Variants in RFX3 observed in about 807,000 individuals in gnomAD.
RFX3 encodes transcription factor RFX3.
RFX3 carries 14 observed loss-of-function variants against 98.6 expected under a neutral mutation model. The ratio of observed to expected loss-of-function variants is 0.14; its 90% CI spans 0.09 to 0.22. The LOEUF is 0.22. RFX3 is among the 10% of genes least tolerant of loss of function. The probability of loss-of-function intolerance (pLI) is 1.00; values close to 1 mark genes in which losing one functional copy is unlikely to be tolerated. For synonymous variants in RFX3, 383 were observed against 328.4 expected (o/e 1.17, Z -1.80); for missense variants, 639 against 926.9 (o/e 0.69, Z 4.03).
chr9:3,483,473 GA>G (rs1180696038), intron 1 of RFX3, among the ~76,000 whole-genome samples: 2 of 152,164 alleles, frequency 1.3e-5, no homozygotes, highest in Non-Finnish European at 2.9e-5. Flanking sequence ...GGCACTGAAT[GA>G]GACACAGATA....
At chr9:3,273,527 A>G (rs1824784896) in intron 9 of RFX3, among the ~76,000 whole-genome samples, 1 of 152,194 alleles carries the variant, frequency 6.6e-6, no homozygotes, top group Non-Finnish European at 1.5e-5. Flanking sequence ...GTAAATAATT[A>G]TGCTCCAACT....
chr9:3,474,063 T>C (rs867088474), intron 1 of RFX3, among the ~76,000 whole-genome samples: 14 of 152,304 alleles, frequency 9.2e-5, no homozygotes, highest in South Asian at 2.1e-4. Context: ...GAAATTCCCA[T>C]GATGCTGAGG....
chr9:3,290,875 A>T (rs2131611015), intron 6 of RFX3, among the ~76,000 whole-genome samples: 1 of 152,296 alleles, frequency 6.6e-6, no homozygotes, highest in Non-Finnish European at 1.5e-5. Flanking sequence ...GCATTTGAAG[A>T]AACAACAGAA....
At chr9:3,505,236 ATATTTATATATATATG>A (rs1816851060) in intron 1 of RFX3, among the ~76,000 whole-genome samples, 1 of 88,018 alleles carries the variant, frequency 1.1e-5, no homozygotes, top group Non-Finnish European at 1.8e-5. Flanking sequence ...ATATGAATAT[ATATTTATATATATATG>A]AATATATATT....
intron 2 of RFX3, among the ~76,000 whole-genome samples, chr9:3,350,466 AG>A (rs1834974854): frequency 6.6e-6 from 1 of 152,104 alleles, no homozygotes; most frequent in Admixed American, 6.6e-5. Context: ...CATTGTTGGG[AG>A]GGATGGAAAA....
intron 15 of RFX3, among the ~76,000 whole-genome samples, chr9:3,242,272 T>G (rs1820040121): frequency 6.6e-6 from 1 of 152,220 alleles, no homozygotes; most frequent in African/African-American, 2.4e-5. Flanking sequence ...AGAATAGGGA[T>G]TGGCACAAGG....
intron 7 of RFX3, among the ~76,000 whole-genome samples, chr9:3,279,744 G>C (rs1338087157): frequency 1.3e-5 from 2 of 151,844 alleles, no homozygotes; most frequent in Non-Finnish European, 2.9e-5. Context: ...GGAAGATGGA[G>C]ACAGCTGTTA....
chr9:3,365,656 T>C (rs114740062), intron 2 of RFX3, among the ~76,000 whole-genome samples: 8 of 152,162 alleles, frequency 5.3e-5, no homozygotes, highest in Non-Finnish European at 8.8e-5. Context: ...GATCCCAGTA[T>C]TCTGATAACA....
chr9:3,384,248 A>G (rs1012596704), intron 2 of RFX3, among the ~76,000 whole-genome samples: 2 of 152,162 alleles, frequency 1.3e-5, no homozygotes, highest in African/African-American at 4.8e-5. Flanking sequence ...TCCAATACAT[A>G]TTGAGCATTT....
At chr9:3,306,235 C>T (rs1254706482) in intron 4 of RFX3, among the ~76,000 whole-genome samples, 1 of 151,958 alleles carries the variant, frequency 6.6e-6, no homozygotes, top group South Asian at 2.1e-4. Flanking sequence ...CTAACCTCAA[C>T]AAAGATATTA....
rs139711461 is a variant in RFX3, at chr9:3,281,447, C to A, written c.852-3986G>T. Among the ~76,000 whole-genome samples the A allele has an allele frequency of 6.9e-3, 1,046 of 150,890 alleles. 12 individuals are homozygous for A. Among genetic ancestry groups the A allele is most frequent in the African/African-American group, 0.024 (992 of 41,278 alleles). ...ATTTAAGAGTATTTTCCTCCCTTTA[C>A]TTCCATTTACTTTATGAATTAATTA... On this transcript the variant is annotated intron_variant, in intron 7 of 16. Coordinates refer to ENST00000617270, the MANE Select transcript of RFX3 (RefSeq NM_001282116.2).
intron 14 of RFX3, among the ~76,000 whole-genome samples, chr9:3,249,672 T>G (rs577028072): frequency 2.6e-5 from 4 of 152,074 alleles, no homozygotes; most frequent in African/African-American, 7.2e-5. Flanking sequence ...AAAATAATAA[T>G]AATAAGAATA....
chr9:3,251,032 C>T (rs1017973564), intron 14 of RFX3, among the ~76,000 whole-genome samples: 1 of 152,094 alleles, frequency 6.6e-6, no homozygotes, highest in Non-Finnish European at 1.5e-5. Flanking sequence ...ATCATAACAG[C>T]ATTTTTAAAA....
chr9:3,288,182 T>C lies in RFX3; in HGVS notation c.800A>G (p.Glu267Gly), dbSNP rs1486902408. 3 of 1,612,222 alleles carry C rather than the reference T, an allele frequency of 1.9e-6. No individual in the cohort carries two copies. The African/African-American group carries it at 4.0e-5, about 22-fold the overall frequency. ...KPDSPLNRLQ[E>G]DMQYMAMRQQ... is the part of the protein sequence containing the mutation. Reference sequence around the variant, plus strand: ...TCTCATAGCCATATACTGCATGTCTTCTTGCAGACGATTAAGAGGGGAATC... The same window carrying C: ...TCTCATAGCCATATACTGCATGTCTCCTTGCAGACGATTAAGAGGGGAATC... Residue 267 changes from glutamate (E) to glycine (G), a missense_variant, in exon 7 of 17, where the codon GAA becomes GGA. By Grantham distance (98) the Glu-to-Gly change is moderately conservative (BLOSUM62 -2). Coordinates refer to ENST00000617270, the MANE Select transcript of RFX3 (RefSeq NM_001282116.2).
rs1564187584 is a variant in RFX3, at chr9:3,505,453, A to ATATAAAATAAAATACTTTATATTT, written c.-9+20293_-9+20294insAAATATAAAGTATTTTATTTTATA. On this transcript the variant is annotated intron_variant, in intron 1 of 16. Transcript: ENST00000617270. Reference sequence around the variant, plus strand: ...AATAAAATATTTTATATTTATATAAAATATAAAATAAAATATTTTATATTT... The same window carrying ATATAAAATAAAATACTTTATATTT: ...AATAAAATATTTTATATTTATATAAATATAAAATAAAATACTTTATATTTATATAAAATAAAATATTTTATATTT... Among the ~76,000 whole-genome samples, 155 of 100,180 alleles carry ATATAAAATAAAATACTTTATATTT rather than the reference A, an allele frequency of 1.5e-3. 4 individuals carry two copies. Among genetic ancestry groups the ATATAAAATAAAATACTTTATATTT allele is most frequent in the African/African-American group, 6.1e-3 (151 of 24,934 alleles). The allele number at this position is 100,180 out of a possible 152,430, so 65.7% of individuals were successfully genotyped here. A position where few individuals can be genotyped will look rare whatever the true frequency, so the allele number is the denominator to read the frequency against.
chr9:3,334,591 C>T (rs985150357), intron 3 of RFX3, among the ~76,000 whole-genome samples: 2 of 152,022 alleles, frequency 1.3e-5, no homozygotes, highest in African/African-American at 4.8e-5. Flanking sequence ...AAAGAGTGTG[C>T]CTAATCCATA....
chr9:3,247,984 CT>C (rs778097641), intron 15 of RFX3, 47 bp downstream of exon 15: 2 of 1,613,894 alleles, frequency 1.2e-6, no homozygotes, highest in Non-Finnish European at 1.7e-6. Flanking sequence ...GTAATTCTGG[CT>C]TATTTTTAAT....
chr9:3,271,539 TTCTCTTTCTCTCTTTCTC>T (rs1196044388), intron 9 of RFX3, among the ~76,000 whole-genome samples: 18 of 10,284 alleles, frequency 1.8e-3, no homozygotes, highest in Non-Finnish European at 3.5e-3. Context: ...CTTTCTCTCT[TTCTCTTTCTCTCTTTCTC>T]TCTCTCTTTC....
chr9:3,497,496 A>G (rs1037741987), intron 1 of RFX3, among the ~76,000 whole-genome samples: 3 of 151,996 alleles, frequency 2.0e-5, no homozygotes, highest in African/African-American at 7.2e-5. Context: ...CTGGAGCTGT[A>G]ACTCATCACT....
Sources: allele counts gnomAD v4.1 joint callset (sites outside exome capture counted in the v4.1 genomes callset), GRCh38; gene constraint gnomAD v4.1.1; transcripts MANE v1.5; gene names NCBI Gene and HGNC (gene_info 2026-07-23, HGNC 2026-07-21).